The following USP46 variants were observed in gnomAD, a reference collection of about 807,000 sequenced individuals.
The protein encoded by USP46 is ubiquitin specific peptidase 46.
A neutral mutation model predicts 44.4 loss-of-function variants in USP46; 12 were observed. The observed-to-expected ratio is 0.27, with a 90% CI of 0.17 to 0.44. The LOEUF (loss-of-function observed/expected upper bound fraction) is 0.44, where lower values mean the gene tolerates loss of function less well. Among genes scored for constraint, USP46 ranks in the 20% least tolerant of loss-of-function variants. The pLI is 1.00. For synonymous variants in USP46, 155 were observed against 161.5 expected (o/e 0.96, Z 0.31); for missense variants, 248 against 444.8 (o/e 0.56, Z 3.98).
chr4:52,621,924 T>C (rs1417756741), intron 4 of USP46, among the ~76,000 whole-genome samples: 1 of 152,128 alleles, frequency 6.6e-6, no homozygotes, highest in Non-Finnish European at 1.5e-5. Context: ...TACAAAATGA[T>C]AACAATGAAT....
At chr4:52,640,849 A>G (rs929508543) in intron 1 of USP46, among the ~76,000 whole-genome samples, 13 of 152,022 alleles carry the variant, frequency 8.6e-5, no homozygotes, top group Admixed American at 2.0e-4. Flanking sequence ...AAATATAATG[A>G]AAGTTTAGTA....
chr4:52,643,941 T>C (rs551161214), intron 1 of USP46, among the ~76,000 whole-genome samples: 2 of 152,180 alleles, frequency 1.3e-5, no homozygotes, highest in Non-Finnish European at 2.9e-5. Context: ...AGTAATTCTT[T>C]AGCTACAGAT....
At chr4:52,632,998 G>GAAAGAGA (rs1717966560) in intron 1 of USP46, among the ~76,000 whole-genome samples, 3 of 112,584 alleles carry the variant, frequency 2.7e-5, no homozygotes, top group African/African-American at 1.1e-4. Context: ...AGAAAAGAAA[G>GAAAGAGA]AAAGAAAGAA....
chr4:52,646,415 A>G (rs1283040062), intron 1 of USP46, among the ~76,000 whole-genome samples: 1 of 152,182 alleles, frequency 6.6e-6, no homozygotes, highest in African/African-American at 2.4e-5. Context: ...CCCATCCTCA[A>G]ATAGAGTAGC....
intron 8 of USP46, among the ~76,000 whole-genome samples, 152 bp from the exon 9 acceptor site, chr4:52,597,893 A>G (rs1321167741): frequency 6.6e-6 from 1 of 152,256 alleles, no homozygotes; most frequent in Non-Finnish European, 1.5e-5. Flanking sequence ...GGAGAATTCC[A>G]CAGACTTGGC....
intron 4 of USP46, among the ~76,000 whole-genome samples, chr4:52,613,977 G>A (rs879415089): frequency 3.3e-5 from 5 of 152,014 alleles, no homozygotes; most frequent in African/African-American, 4.8e-5. Context: ...ATCAAAAAAC[G>A]TGAAACCCCA....
intron 1 of USP46, among the ~76,000 whole-genome samples, chr4:52,658,748 A>T (rs1719055311): frequency 1.3e-5 from 2 of 152,308 alleles, no homozygotes; most frequent in Middle Eastern, 3.4e-3. Flanking sequence ...CCGCAAGAAG[A>T]GGATGGGTGC....
At chr4:52,630,582 T>TA (rs1717780452) in intron 2 of USP46, among the ~76,000 whole-genome samples, 1 of 151,802 alleles carries the variant, frequency 6.6e-6, no homozygotes, top group Admixed American at 6.6e-5. Context: ...CTGTCTCTAC[T>TA]AAAAAATTAG....
chr4:52,637,163 C>T (rs1357266191), intron 1 of USP46, among the ~76,000 whole-genome samples: 1 of 152,126 alleles, frequency 6.6e-6, no homozygotes, highest in Non-Finnish European at 1.5e-5. Context: ...AATCACTCCT[C>T]GAAAAGCCCC....
At chr4:52,632,932 GAA>G (rs1222916618) in intron 1 of USP46, among the ~76,000 whole-genome samples, 5 of 55,902 alleles carry the variant, frequency 8.9e-5, no homozygotes, top group African/African-American at 4.5e-4. Flanking sequence ...AAGAAAGAAA[GAA>G]AGAAAGAAAG....
chr4:52,603,272 G>A (rs1310774095), intron 6 of USP46, among the ~76,000 whole-genome samples: 2 of 152,192 alleles, frequency 1.3e-5, no homozygotes, highest in East Asian at 3.9e-4. Context: ...TATAAGGATG[G>A]GGGACAGACA....
chr4:52,631,510 A>ATG (rs1560405039), intron 1 of USP46, among the ~76,000 whole-genome samples: 2 of 152,222 alleles, frequency 1.3e-5, no homozygotes, highest in Non-Finnish European at 2.9e-5. Context: ...ATACAGAATC[A>ATG]TATTACCACT....
chr4:52,605,942 C>A (rs1353644183), intron 5 of USP46, among the ~76,000 whole-genome samples: 3 of 152,206 alleles, frequency 2.0e-5, no homozygotes, highest in Admixed American at 6.5e-5. Context: ...CAGCACTCAG[C>A]CTAAACATCC....
intron 1 of USP46, among the ~76,000 whole-genome samples, chr4:52,635,800 C>T (rs1198498875): frequency 2.0e-5 from 3 of 152,176 alleles, no homozygotes; most frequent in Non-Finnish European, 4.4e-5. Flanking sequence ...CTTTCTTAAA[C>T]AACTGTTTAT....
intron 1 of USP46, among the ~76,000 whole-genome samples, chr4:52,651,517 G>C (rs1718770990): frequency 6.6e-6 from 1 of 152,136 alleles, no homozygotes; most frequent in Non-Finnish European, 1.5e-5. Context: ...AAATTAAAAT[G>C]AAGTGTAGAG....
At chr4:52,613,550 C>T (rs972375926) in intron 4 of USP46, among the ~76,000 whole-genome samples, 4 of 151,892 alleles carry the variant, frequency 2.6e-5, no homozygotes, top group South Asian at 2.1e-4. Flanking sequence ...GATAAAGCCC[C>T]GTCTCTACTA....
chr4:52,613,145 G>A (rs1487753759), intron 4 of USP46, among the ~76,000 whole-genome samples: 2 of 152,186 alleles, frequency 1.3e-5, no homozygotes, highest in African/African-American at 2.4e-5. Flanking sequence ...TTAGCTTGGG[G>A]TGCTGAGGGG....
intron 1 of USP46, chr4:52,658,386 G>A (rs1327568055): frequency 1.2e-5 from 5 of 410,442 alleles, no homozygotes; most frequent in Non-Finnish European, 2.5e-5. Context: ...CTGTATCCAT[G>A]CCCGCCAGCC....
intron 2 of USP46, among the ~76,000 whole-genome samples, chr4:52,628,566 T>C (rs1467884542): frequency 6.6e-6 from 1 of 152,144 alleles, no homozygotes; most frequent in Non-Finnish European, 1.5e-5. Context: ...AAAACTCCCA[T>C]GACAGGGAAA....
Sources: allele counts gnomAD v4.1 joint callset (sites outside exome capture counted in the v4.1 genomes callset), GRCh38; gene constraint gnomAD v4.1.1; transcripts MANE v1.5; gene names NCBI Gene and HGNC (gene_info 2026-07-23, HGNC 2026-07-21).